The following FAM171A1 variants were observed in gnomAD, a reference collection of about 807,000 sequenced individuals.
FAM171A1 encodes family with sequence similarity 171 member A1, also known as protein FAM171A1.
FAM171A1 carries 23 observed loss-of-function variants against 74.9 expected under a neutral mutation model. That is an observed-to-expected ratio of 0.31 (90% CI 0.22 to 0.44). The LOEUF (loss-of-function observed/expected upper bound fraction) is 0.44, where lower values mean the gene tolerates loss of function less well. FAM171A1 is among the 20% of genes least tolerant of loss of function. The pLI is 1.00. For synonymous variants in FAM171A1, 527 were observed against 505.7 expected, an observed-to-expected ratio of 1.04 and a Z score of -0.57; for missense variants, 1,162 against 1,159.2, an observed-to-expected ratio of 1.00 and a Z score of -0.03.
At chr10:15,292,631 C>A (rs1835115755) in intron 1 of FAM171A1, among the ~76,000 whole-genome samples, 1 of 152,060 alleles carries the variant, frequency 6.6e-6, no homozygotes, top group African/African-American at 2.4e-5. Context: ...CAGGGACATG[C>A]CACCACCATG....
At chr10:15,321,641 GAT>G (rs758584326) in intron 1 of FAM171A1, among the ~76,000 whole-genome samples, 29 of 152,134 alleles carry the variant, frequency 1.9e-4, no homozygotes, top group Non-Finnish European at 3.7e-4. Context: ...CTAGAATTTT[GAT>G]ATATGCAAAT....
intron 5 of FAM171A1, among the ~76,000 whole-genome samples, chr10:15,234,893 A>G (rs1834263242): frequency 6.6e-6 from 1 of 151,792 alleles, no homozygotes; most frequent in African/African-American, 2.4e-5. Context: ...CGATCTCCTG[A>G]CCTCGTGATC....
intron 1 of FAM171A1, among the ~76,000 whole-genome samples, chr10:15,287,334 T>A (rs1010901245): frequency 6.6e-6 from 1 of 151,454 alleles, no homozygotes; most frequent in Non-Finnish European, 1.5e-5. Flanking sequence ...CCACGTGATC[T>A]GCCCACCTCA....
chr10:15,306,944 T>C (rs976964617), intron 1 of FAM171A1, among the ~76,000 whole-genome samples: 8 of 152,200 alleles, frequency 5.3e-5, no homozygotes, highest in Admixed American at 2.0e-4. Context: ...CATCACGCCA[T>C]GTGCCCTTCA....
intron 1 of FAM171A1, among the ~76,000 whole-genome samples, chr10:15,323,392 G>T (rs1333544523): frequency 1.3e-5 from 2 of 152,170 alleles, no homozygotes; most frequent in Non-Finnish European, 2.9e-5. Context: ...GGCAGGGGTT[G>T]CAGTGAGCAG....
At chr10:15,370,306 G>A (rs1459798636) in intron 1 of FAM171A1, among the ~76,000 whole-genome samples, 1 of 143,428 alleles carries the variant, frequency 7.0e-6, no homozygotes, top group Non-Finnish European at 1.5e-5. Context: ...TTCCCTTACA[G>A]AGAAGACTCA....
chr10:15,310,649 G>A (rs908464990), intron 1 of FAM171A1, among the ~76,000 whole-genome samples: 2 of 152,106 alleles, frequency 1.3e-5, no homozygotes, highest in African/African-American at 4.8e-5. Context: ...ATCACTTGAG[G>A]TCTGGAGTTC....
intron 1 of FAM171A1, among the ~76,000 whole-genome samples, chr10:15,303,599 T>C (rs1835258912): frequency 6.6e-6 from 1 of 152,238 alleles, no homozygotes; most frequent in Non-Finnish European, 1.5e-5. Flanking sequence ...CAATTCATAA[T>C]GCTACAACAG....
intron 1 of FAM171A1, among the ~76,000 whole-genome samples, chr10:15,316,329 C>T (rs911953810): frequency 6.6e-6 from 1 of 152,158 alleles, no homozygotes; most frequent in Non-Finnish European, 1.5e-5. Context: ...GGGTGGTGCC[C>T]CAGGAGGGCA....
chr10:15,278,147 T>C (rs1190790239), intron 2 of FAM171A1, among the ~76,000 whole-genome samples: 1 of 149,110 alleles, frequency 6.7e-6, no homozygotes, highest in Non-Finnish European at 1.5e-5. Flanking sequence ...TCAATTTATT[T>C]AGCTGTCATC....
intron 1 of FAM171A1, among the ~76,000 whole-genome samples, chr10:15,333,161 C>T (rs1236800550): frequency 6.6e-6 from 1 of 152,190 alleles, no homozygotes; most frequent in Non-Finnish European, 1.5e-5. Context: ...TCCTTCTGGG[C>T]TTCTAGCGTT....
At chr10:15,301,521 T>G (rs1002962244) in intron 1 of FAM171A1, among the ~76,000 whole-genome samples, 18 of 152,172 alleles carry the variant, frequency 1.2e-4, no homozygotes, top group African/African-American at 4.3e-4. Context: ...GGATGTTTCT[T>G]TAGTGAATAG....
intron 7 of FAM171A1, among the ~76,000 whole-genome samples, chr10:15,215,227 T>A (rs2131702980): frequency 6.6e-6 from 1 of 152,308 alleles, no homozygotes; most frequent in East Asian, 1.9e-4. Flanking sequence ...TTTTTAAAAA[T>A]AAAATTTTTC....
intron 1 of FAM171A1, among the ~76,000 whole-genome samples, chr10:15,304,597 C>G (rs988299927): frequency 6.6e-6 from 1 of 152,204 alleles, no homozygotes; most frequent in Non-Finnish European, 1.5e-5. Context: ...AAGGGTCCTG[C>G]CCACATTTTC....
At chr10:15,352,781 G>T (rs1237944412) in intron 1 of FAM171A1, among the ~76,000 whole-genome samples, 1 of 152,194 alleles carries the variant, frequency 6.6e-6, no homozygotes, top group Non-Finnish European at 1.5e-5. Context: ...CACTTGAATG[G>T]TTCGCTCTGC....
At chr10:15,233,777 C>T (rs994853447) in intron 5 of FAM171A1, among the ~76,000 whole-genome samples, 2 of 151,966 alleles carry the variant, frequency 1.3e-5, no homozygotes, top group Non-Finnish European at 2.9e-5. Flanking sequence ...TGGCACATGC[C>T]TATAATCCCA....
chr10:15,263,955 C>T (rs1216547231), intron 3 of FAM171A1, among the ~76,000 whole-genome samples: 3 of 151,704 alleles, frequency 2.0e-5, no homozygotes, highest in Non-Finnish European at 2.9e-5. Context: ...ATCCAACCAT[C>T]CATCTACCTA....
chr10:15,316,978 A>T lies in FAM171A1; in HGVS notation c.98-32873T>A, dbSNP rs540171216. ...GGTCCGGGTGATGCAAGGACTGAAG[A>T]GTTCACCAGCACTGGAGCTGCCCCT... On this transcript the variant is annotated intron_variant, in intron 1 of 7. Coordinates refer to ENST00000378116, the MANE Select transcript of FAM171A1 (RefSeq NM_001010924.2). Among the ~76,000 whole-genome samples, 8 of 152,100 alleles carry T rather than the reference A, an allele frequency of 5.3e-5. No individual in the cohort carries two copies. The East Asian group carries it at 1.4e-3, about 26-fold the overall frequency.
chr10:15,316,671 T>C (rs1285308644), intron 1 of FAM171A1, among the ~76,000 whole-genome samples: 1 of 152,196 alleles, frequency 6.6e-6, no homozygotes, highest in African/African-American at 2.4e-5. Context: ...AAAGGTGAGA[T>C]GCCAGGTTCT....
Sources: gnomAD v4.1 joint callset for allele counts (sites outside exome capture counted in the v4.1 genomes callset) on GRCh38, gnomAD v4.1.1 for gene constraint, MANE v1.5 for transcripts, NCBI Gene and HGNC (gene_info 2026-07-23, HGNC 2026-07-21) for gene names.